Variants in KLK8 observed in about 807,000 individuals in gnomAD.
KLK8 encodes the protein kallikrein related peptidase 8, also known as kallikrein-8.
Under a neutral mutation model 26.7 loss-of-function variants are expected in KLK8, and 18 were observed. That is an observed-to-expected ratio of 0.67 (90% CI 0.47 to 1.00). The LOEUF (loss-of-function observed/expected upper bound fraction) is 1.00, where lower values mean the gene tolerates loss of function less well. KLK8 is among the 50% of genes least tolerant of loss of function. The pLI is 0.00. For synonymous variants in KLK8, 137 were observed against 127.1 expected, an observed-to-expected ratio of 1.08 and a Z score of -0.52; for missense variants, 301 against 331.7, an observed-to-expected ratio of 0.91 and a Z score of 0.72.
In KLK8 at chr19:50,999,583, C is replaced by CAAAAAAAAAA. The variant is rs56988162; in HGVS notation, c.493+403_493+412dup. Among the ~76,000 whole-genome samples the CAAAAAAAAAA allele has an allele frequency of 9.6e-3, 292 of 30,286 alleles. 101 individuals carry two copies. The highest frequency in any genetic ancestry group is 0.015 in the East Asian group (5 of 334). The allele number at this position is 30,286 out of a possible 152,430, so 19.9% of individuals were successfully genotyped here. On this transcript the variant is annotated intron_variant, in intron 5 of 6. Transcript: ENST00000600767. ...GATTGAGTGAAACTGTGTCCCCCTG[C>CAAAAAAAAAA]AAAAAAAAAAAAAAAAAAAAAAAAA...
chr19:50,999,389 G>A (rs1022778494), intron 5 of KLK8, among the ~76,000 whole-genome samples: 1 of 151,580 alleles, frequency 6.6e-6, no homozygotes, highest in African/African-American at 2.4e-5. Flanking sequence ...AGACCAGCCT[G>A]GTCAACATGG....
intron 4 of KLK8, 33 bp downstream of exon 3, chr19:51,000,391 C>A: frequency 6.4e-7 from 1 of 1,573,016 alleles, no homozygotes; most frequent in Non-Finnish European, 8.7e-7. Flanking sequence ...TTCCTTAAGC[C>A]CCAGCTGACC....
chr19:51,001,113 C>G lies in KLK8; in HGVS notation c.55G>C (p.Gly19Arg), dbSNP rs773148785. 2 of 1,612,820 alleles carry G rather than the reference C, an allele frequency of 1.2e-6. No homozygotes were observed. The highest frequency in any genetic ancestry group is 1.7e-6 in the Non-Finnish European group (2 of 1,179,708). The change falls in exon 3 of 7, where the codon GGG becomes CGG. Residue 19 changes from glycine (G) to arginine (R), a missense_variant. Transcript: ENST00000600767. ...CCCTCCTCACCTGCCCAGGCTCCCCCCAGCAAGAGCAGGAACATCCACGTC... is the reference window on the plus strand; with the variant it reads ...CCCTCCTCACCTGCCCAGGCTCCCCGCAGCAAGAGCAGGAACATCCACGTC...
At chr19:50,996,262 G>C (rs772714507) in intron 6 of KLK8, 48 bp from the exon 6 acceptor site, 1 of 1,591,368 alleles carries the variant, frequency 6.3e-7, no homozygotes, top group Non-Finnish European at 8.6e-7. Context: ...TGTCCACAAC[G>C]TCCCTTTTCC....
chr19:51,001,018 C>T, intron 3 of KLK8, 80 bp downstream of exon 2: 1 of 1,318,106 alleles, frequency 7.6e-7, no homozygotes, highest in South Asian at 1.3e-5. Context: ...ACATAACCCC[C>T]GCGGCATTCC....
chr19:51,001,105 G>A, exon 3 of KLK8: 1 of 1,612,234 alleles, frequency 6.2e-7, no homozygotes, highest in Non-Finnish European at 8.5e-7. Context: ...CACCTGCCCA[G>A]GCTCCCCCCA....
chr19:50,996,122 G>C, exon 7 of KLK8: 2 of 1,614,162 alleles, frequency 1.2e-6, no homozygotes. Flanking sequence ...TGGTATAGAC[G>C]CCAGGTTTGT....
intron 5 of KLK8, among the ~76,000 whole-genome samples, chr19:50,999,512 G>A (rs1189532170): frequency 7.2e-6 from 1 of 138,694 alleles, no homozygotes; most frequent in Non-Finnish European, 1.5e-5. Flanking sequence ...CCAGGAGGCA[G>A]AGATTGTAGT....
chr19:51,000,832 G>C, intron 3 of KLK8: 2 of 1,096,612 alleles, frequency 1.8e-6, no homozygotes, highest in Non-Finnish European at 2.6e-6. Context: ...ACTCCCAGGT[G>C]AATCTATGCC....
chr19:50,997,522 A>T (rs1022039220), intron 6 of KLK8, among the ~76,000 whole-genome samples: 1 of 152,142 alleles, frequency 6.6e-6, no homozygotes, highest in Non-Finnish European at 1.5e-5. Flanking sequence ...AAGCGTTCGA[A>T]AGAAAACAGC....
chr19:51,000,525 C>A (rs756295592), exon 4 of KLK8: 6 of 1,614,054 alleles, frequency 3.7e-6, no homozygotes, highest in East Asian at 2.2e-5. Flanking sequence ...GCCAAGGCTG[C>A]GAATGGGGTT....
In KLK8 at chr19:50,997,885, C is replaced by A; in HGVS notation, c.494-1G>T. 1 of 1,614,056 alleles carries A rather than the reference C, an allele frequency of 6.2e-7. No homozygotes were observed. Among genetic ancestry groups the A allele is most frequent in the Non-Finnish European group, 8.5e-7 (1 of 1,180,020 alleles). ...CAGTTGAGAGTGTCAGGAAAATTCT[C>A]TGAGGGGGAAGAGGTTGTAAGGTTC... On this transcript the variant is annotated splice_acceptor_variant, in intron 5 of 6. Transcript: ENST00000600767. LOFTEE classifies it high-confidence loss of function.
chr19:51,000,046 G>C, exon 5 of KLK8: 1 of 1,613,310 alleles, frequency 6.2e-7, no homozygotes, highest in South Asian at 1.1e-5. Context: ...CTTCTGGCCA[G>C]GCTGGGTGCA....
rs1568554329 is a variant in KLK8, at chr19:50,996,927, CACACACACA to C, written c.628-722_628-714del. Among the ~76,000 whole-genome samples the C allele has an allele frequency of 2.4e-3, 359 of 150,804 alleles. 1 individual carries two copies. The highest frequency in any genetic ancestry group is 7.5e-3 in the African/African-American group (307 of 40,876). The stretch of plus-strand genomic sequence containing the variant: ...ACACACACACACACACACACACACA[CACACACACA>C]CACCATATCCCCAAGAGACCATGGC... On this transcript the variant is annotated intron_variant, in intron 6 of 6. Coordinates refer to ENST00000600767, the Ensembl canonical transcript of KLK8.
At chr19:50,998,028 G>A (rs1489232919) in intron 5 of KLK8, 144 bp from the exon 5 acceptor site, 5 of 938,774 alleles carry the variant, frequency 5.3e-6, no homozygotes, top group African/African-American at 1.6e-5. Flanking sequence ...GTGCACAGGG[G>A]ACATCACTTC....
intron 6 of KLK8, among the ~76,000 whole-genome samples, chr19:50,997,030 G>A (rs975911963): frequency 1.3e-5 from 2 of 151,748 alleles, no homozygotes; most frequent in Non-Finnish European, 2.9e-5. Flanking sequence ...TGGCAGTATC[G>A]CTGATGGAAA....
intron 6 of KLK8, among the ~76,000 whole-genome samples, chr19:50,996,751 T>C (rs1278454888): frequency 1.1e-5 from 1 of 90,446 alleles, no homozygotes; most frequent in Non-Finnish European, 2.3e-5. Flanking sequence ...AAAAAAAGAG[T>C]TCTCGAGGGT....
At chr19:50,996,499 C>T (rs1048010940) in intron 6 of KLK8, among the ~76,000 whole-genome samples, 22 of 151,848 alleles carry the variant, frequency 1.4e-4, no homozygotes, top group South Asian at 2.1e-4. Flanking sequence ...TTTGGGAGGC[C>T]GAGGCGGTAG....
At chr19:50,999,639 G>T (rs1174006938) in intron 5 of KLK8, among the ~76,000 whole-genome samples, 2 of 145,566 alleles carry the variant, frequency 1.4e-5, no homozygotes, top group Admixed American at 6.9e-5. Context: ...GGAGGTGGGG[G>T]AGAAGGTGCT....
Sources: gnomAD v4.1 joint callset for allele counts (sites outside exome capture counted in the v4.1 genomes callset) on GRCh38, gnomAD v4.1.1 for gene constraint, MANE v1.5 for transcripts, NCBI Gene and HGNC (gene_info 2026-07-23, HGNC 2026-07-21) for gene names.